Variants in EXOC4 observed in about 807,000 individuals in gnomAD.
EXOC4 encodes the protein exocyst complex component 4.
EXOC4 carries 71 observed loss-of-function variants against 107.2 expected under a neutral mutation model. That is an observed-to-expected ratio of 0.66 (90% CI 0.55 to 0.81). The LOEUF (loss-of-function observed/expected upper bound fraction) is 0.81, where lower values mean the gene tolerates loss of function less well. Ranked by LOEUF, EXOC4 falls within the 30% of genes least tolerant of loss-of-function variation. EXOC4 has a pLI of 0.00. For synonymous variants in EXOC4, 456 were observed against 441.2 expected, an observed-to-expected ratio of 1.03 and a Z score of -0.42; for missense variants, 1,108 against 1,189.6, an observed-to-expected ratio of 0.93 and a Z score of 1.01.
chr7:133,532,414 G>C (rs1409218155), intron 9 of EXOC4, among the ~76,000 whole-genome samples: 1 of 152,076 alleles, frequency 6.6e-6, no homozygotes, highest in Non-Finnish European at 1.5e-5. Context: ...CTCTCCCACT[G>C]TAAACAGGAG....
intron 9 of EXOC4, among the ~76,000 whole-genome samples, chr7:133,519,804 C>G (rs1359334714): frequency 6.6e-6 from 1 of 152,042 alleles, no homozygotes; most frequent in Non-Finnish European, 1.5e-5. Context: ...GTAAAGCAGA[C>G]CATCAGATCA....
chr7:133,416,738 A>G (rs921579181), intron 7 of EXOC4, among the ~76,000 whole-genome samples: 7 of 152,206 alleles, frequency 4.6e-5, no homozygotes, highest in Non-Finnish European at 8.8e-5. Context: ...ACACTCTGAA[A>G]GGAATGGAGA....
At chr7:133,269,312 AAG>A (rs1793810171) in intron 1 of EXOC4, among the ~76,000 whole-genome samples, 1 of 152,202 alleles carries the variant, frequency 6.6e-6, no homozygotes, top group African/African-American at 2.4e-5. Context: ...GTATAGTAGA[AAG>A]AGCATGGATT....
At chr7:133,607,672 T>C (rs1196355021) in intron 9 of EXOC4, among the ~76,000 whole-genome samples, 1 of 152,166 alleles carries the variant, frequency 6.6e-6, no homozygotes, top group Non-Finnish European at 1.5e-5. Context: ...CATTCTAATT[T>C]CTCCATCTCT....
At chr7:133,804,759 GT>G (rs1797033263) in intron 10 of EXOC4, among the ~76,000 whole-genome samples, 1 of 152,138 alleles carries the variant, frequency 6.6e-6, no homozygotes, top group Non-Finnish European at 1.5e-5. Flanking sequence ...AAAGGACTAG[GT>G]TTTGATTTGC....
At chr7:133,368,550 A>G (rs1317729003) in intron 6 of EXOC4, among the ~76,000 whole-genome samples, 1 of 152,028 alleles carries the variant, frequency 6.6e-6, no homozygotes, top group Non-Finnish European at 1.5e-5. Context: ...TGTTACATTC[A>G]TATATATTTT....
chr7:133,597,501 C>G (rs1267768355), intron 9 of EXOC4, among the ~76,000 whole-genome samples: 2 of 140,642 alleles, frequency 1.4e-5, no homozygotes, highest in Non-Finnish European at 3.0e-5. Flanking sequence ...TTGCGGTGAG[C>G]TGAGATCGCA....
chr7:133,904,358 G>A (rs1268445178), intron 12 of EXOC4, among the ~76,000 whole-genome samples: 1 of 152,118 alleles, frequency 6.6e-6, no homozygotes, highest in Non-Finnish European at 1.5e-5. Flanking sequence ...TTTTGCCTGC[G>A]CTGTCTGTCC....
chr7:133,522,990 G>A (rs1800008173), intron 9 of EXOC4, among the ~76,000 whole-genome samples: 1 of 152,124 alleles, frequency 6.6e-6, no homozygotes, highest in African/African-American at 2.4e-5. Flanking sequence ...GTTGACTGCT[G>A]GCATTTAACT....
chr7:133,443,889 G>T (rs972884479), intron 7 of EXOC4, among the ~76,000 whole-genome samples: 1 of 152,210 alleles, frequency 6.6e-6, no homozygotes, highest in African/African-American at 2.4e-5. Context: ...GGAAGATGAT[G>T]CCCAGATGAG....
chr7:133,703,976 T>C (rs566299700), intron 10 of EXOC4, among the ~76,000 whole-genome samples: 1 of 152,372 alleles, frequency 6.6e-6, no homozygotes, highest in Non-Finnish European at 1.5e-5. Flanking sequence ...AAGTAGCCTG[T>C]TGAATATTTA....
At position 133,554,541 on chromosome 7, in the gene EXOC4, A is replaced by T. The variant is rs533275199; in HGVS notation, c.1417+74403A>T. On this transcript the variant is annotated intron_variant, in intron 9 of 17. Transcript: ENST00000253861. ...CTAAATTGATGCCTTTTCTTTGACA[A>T]AATCACCATGAATCAGAATGGCAAT... Among the ~76,000 whole-genome samples the T allele has an allele frequency of 2.6e-5, 4 of 152,244 alleles. No individual in the cohort carries two copies. In the East Asian group the frequency reaches 7.7e-4, roughly 29 times the overall value.
At chr7:133,392,590 G>C (rs1796877749) in intron 7 of EXOC4, among the ~76,000 whole-genome samples, 1 of 152,104 alleles carries the variant, frequency 6.6e-6, no homozygotes, top group African/African-American at 2.4e-5. Flanking sequence ...TGACTTTGAA[G>C]AAAAAGGATA....
chr7:133,380,442 C>T (rs1796591846), intron 7 of EXOC4, among the ~76,000 whole-genome samples: 1 of 151,658 alleles, frequency 6.6e-6, no homozygotes, highest in Admixed American at 6.6e-5. Flanking sequence ...GTACAACCAT[C>T]ACAATCATAT....
At chr7:133,562,820 T>A (rs187985459) in intron 9 of EXOC4, among the ~76,000 whole-genome samples, 9 of 152,286 alleles carry the variant, frequency 5.9e-5, no homozygotes, top group Non-Finnish European at 5.9e-5. Context: ...TCCTCATGCC[T>A]CTTAATAAGA....
At chr7:133,335,256 A>G (rs1207015371) in intron 5 of EXOC4, among the ~76,000 whole-genome samples, 2 of 152,170 alleles carry the variant, frequency 1.3e-5, no homozygotes, top group Non-Finnish European at 2.9e-5. Context: ...TTCTAAGTAG[A>G]CAGTTCAGTG....
intron 13 of EXOC4, among the ~76,000 whole-genome samples, chr7:133,920,573 C>G (rs527275834): frequency 1.3e-5 from 2 of 152,138 alleles, no homozygotes; most frequent in African/African-American, 2.4e-5. Context: ...TACCTTATAA[C>G]AGAGTATTCC....
chr7:133,362,087 A>C (rs972340075), intron 6 of EXOC4, among the ~76,000 whole-genome samples: 8 of 152,032 alleles, frequency 5.3e-5, no homozygotes, highest in African/African-American at 1.7e-4. Flanking sequence ...TTTTGACTTC[A>C]TGATGTTTCT....
intron 3 of EXOC4, among the ~76,000 whole-genome samples, chr7:133,303,327 G>T (rs530238509): frequency 6.6e-6 from 1 of 152,142 alleles, no homozygotes; most frequent in Admixed American, 6.6e-5. Flanking sequence ...CCAGCTCCTC[G>T]GGAGGCTGAG....
Sources: allele counts gnomAD v4.1 joint callset (sites outside exome capture counted in the v4.1 genomes callset), GRCh38; gene constraint gnomAD v4.1.1; transcripts MANE v1.5; gene names NCBI Gene and HGNC (gene_info 2026-07-23, HGNC 2026-07-21).